The following MAOB variants were observed in gnomAD, a reference collection of about 807,000 sequenced individuals.
The protein encoded by MAOB is monoamine oxidase B.
In MAOB, 15 loss-of-function variants were observed where a neutral mutation model predicts 41.9. The ratio of observed to expected loss-of-function variants is 0.36; its 90% confidence interval spans 0.24 to 0.55. The LOEUF (loss-of-function observed/expected upper bound fraction) is 0.55. MAOB is among the 20% of genes least tolerant of loss of function. The probability of loss-of-function intolerance (pLI) is 0.86; values close to 1 mark genes in which losing one functional copy is unlikely to be tolerated. For missense variants in MAOB, 345 were observed against 398.7 expected (o/e 0.87, Z 1.15); for synonymous variants, 167 against 144.2 (o/e 1.16, Z -1.13).
At chrX:43,847,462 T>C (rs2035215758) in intron 1 of MAOB, among the ~76,000 whole-genome samples, 1 of 111,869 alleles carries the variant, frequency 8.9e-6, no homozygotes, top group Non-Finnish European at 1.9e-5. Context: ...CTTACCACAA[T>C]GCTGAGGAAT....
At chrX:43,845,650 G>A (rs887632027) in intron 1 of MAOB, among the ~76,000 whole-genome samples, 42 of 112,112 alleles carry the variant, frequency 3.7e-4, no homozygotes, top group African/African-American at 1.2e-3. Context: ...TTCATTGATT[G>A]CATCTTCCAA....
At chrX:43,836,395 T>C (rs1256941153) in intron 3 of MAOB, among the ~76,000 whole-genome samples, 3 of 112,507 alleles carry the variant, frequency 2.7e-5, no homozygotes, top group Non-Finnish European at 5.6e-5. Flanking sequence ...CATTATGTAT[T>C]ATCATGTAGC....
chrX:43,767,570 G>A lies in MAOB; in HGVS notation c.1459C>T (p.Pro487Ser). 8.3e-7 allele frequency: 1 copy of A among 1,210,468 alleles called. No homozygotes were observed. Among genetic ancestry groups the A allele is most frequent in the Non-Finnish European group, 1.1e-6 (1 of 894,778 alleles). ...AGCCTGAGCAGGCCTGGCACGGAGG[G>A]CAAATGTCTCTCCAAAAAGGTGGTG... ...ITTTFLERHL[P>S]SVPGLLRLIG... Residue 487 changes from proline to serine, a missense_variant, in exon 15 of 15, where the codon CCC becomes TCC. Transcript: ENST00000378069.
chrX:43,818,989 G>A (rs934603411), intron 3 of MAOB, among the ~76,000 whole-genome samples: 2 of 111,597 alleles, frequency 1.8e-5, no homozygotes, highest in East Asian at 5.7e-4. Flanking sequence ...AAAGGAAGTT[G>A]TTTCATGGAA....
intron 12 of MAOB, 21 bp downstream of exon 12, chrX:43,775,154 C>T: frequency 8.6e-7 from 1 of 1,157,993 alleles, no homozygotes; most frequent in Non-Finnish European, 1.1e-6. Context: ...TCTGTAACAG[C>T]TTAGCATGCT....
At chrX:43,810,758 T>C (rs1235517677) in intron 3 of MAOB, among the ~76,000 whole-genome samples, 1 of 111,768 alleles carries the variant, frequency 8.9e-6, no homozygotes, top group African/African-American at 3.3e-5. Flanking sequence ...ATTTGTAAGC[T>C]TCAGTTCTCT....
chrX:43,869,497 T>G (rs2035386945), intron 1 of MAOB, among the ~76,000 whole-genome samples: 1 of 111,461 alleles, frequency 9.0e-6, no homozygotes, highest in South Asian at 3.8e-4. Flanking sequence ...GCATGCAATT[T>G]TAACAGAGAC....
intron 3 of MAOB, among the ~76,000 whole-genome samples, chrX:43,836,897 T>C (rs2035078218): frequency 8.9e-6 from 1 of 112,535 alleles, no homozygotes; most frequent in Admixed American, 9.4e-5. Flanking sequence ...CATAGAGTAA[T>C]GGAAATAGTG....
At chrX:43,870,011 A>G (rs2035390363) in intron 1 of MAOB, among the ~76,000 whole-genome samples, 1 of 112,201 alleles carries the variant, frequency 8.9e-6, no homozygotes, top group Non-Finnish European at 1.9e-5. Context: ...CATTTTTTTT[A>G]TAATCACTTT....
At chrX:43,877,929 A>G (rs2035450625) in intron 1 of MAOB, among the ~76,000 whole-genome samples, 1 of 112,649 alleles carries the variant, frequency 8.9e-6, no homozygotes, top group Non-Finnish European at 1.9e-5. Context: ...TGGTTGGTGA[A>G]AAGAAGTGAT....
At chrX:43,839,051 A>G (rs1237838330) in intron 2 of MAOB, 46 bp from the exon 3 acceptor site, 4 of 990,545 alleles carry the variant, frequency 4.0e-6, no homozygotes, top group Non-Finnish European at 4.1e-6. Flanking sequence ...TAAAAAATGT[A>G]TAAAATAACA....
At chrX:43,781,810 A>C (rs2034336715) in intron 8 of MAOB, among the ~76,000 whole-genome samples, 1 of 112,091 alleles carries the variant, frequency 8.9e-6, no homozygotes, top group Admixed American at 9.5e-5. Context: ...GTTTAATGAA[A>C]TCTGGTTCTC....
rs2072745 is a variant in MAOB, at chrX:43,767,082, A to T, written c.*384T>A. Reference sequence around the variant, plus strand: ...ATTCTAAGGACGAATGCAAAGAACTAGGGAAGGTGAGGCTATTACAGGTAA... The same window carrying T: ...ATTCTAAGGACGAATGCAAAGAACTTGGGAAGGTGAGGCTATTACAGGTAA... On this transcript the variant is annotated 3_prime_UTR_variant, in exon 15 of 15. Coordinates refer to ENST00000378069, the MANE Select transcript of MAOB (RefSeq NM_000898.5). 0.051 allele frequency: 7,496 copies of T among 146,053 alleles called. 393 individuals are homozygous for T. The highest frequency in any genetic ancestry group is 0.17 in the South Asian group (597 of 3,572). The allele number at this position is 146,053 out of a possible 1,213,427, so 12.0% of individuals were successfully genotyped here. A position where few individuals can be genotyped will look rare whatever the true frequency, so the allele number is the denominator to read the frequency against.
In MAOB at chrX:43,839,004, TTC is replaced by T; in HGVS notation, c.142-1_142del. ...AAGGTCCACATATTTAACCTTTTGGTTCTGTTTTCCCATAGGAAAAAATTAAA... is the reference window on the plus strand; with the variant it reads ...AAGGTCCACATATTTAACCTTTTGGTTGTTTTCCCATAGGAAAAAATTAAA... On this transcript the variant is annotated splice_acceptor_variant and coding_sequence_variant, in exon 3 of 15. Transcript: ENST00000378069. LOFTEE classifies it high-confidence loss of function. 1 of 1,160,607 alleles carries T rather than the reference TTC, an allele frequency of 8.6e-7. No homozygotes were observed. Among genetic ancestry groups the T allele is most frequent in the Non-Finnish European group, 1.2e-6 (1 of 868,698 alleles).
intron 3 of MAOB, among the ~76,000 whole-genome samples, chrX:43,806,078 A>G (rs2034658854): frequency 8.9e-6 from 1 of 112,670 alleles, no homozygotes; most frequent in Non-Finnish European, 1.9e-5. Context: ...TAGTACAGAA[A>G]GTTCCCATAT....
intron 1 of MAOB, among the ~76,000 whole-genome samples, chrX:43,867,913 T>C (rs1394077173): frequency 8.9e-6 from 1 of 112,536 alleles, no homozygotes; most frequent in Admixed American, 9.4e-5. Context: ...ATATATAGGA[T>C]GTATCATTTA....
rs770442136 is a variant in MAOB, at chrX:43,780,432, T to C, written c.1026-37A>G. On this transcript the variant is annotated intron_variant, in intron 9 of 14. Coordinates refer to ENST00000378069, the MANE Select transcript of MAOB (RefSeq NM_000898.5). ...AAACAAGAAAAAGGGGAGAAATTAA[T>C]GGTTGGTTTCATCCTAGCCTCATTT... The C allele has an allele frequency of 2.6e-5, 28 of 1,068,766 alleles. No homozygotes were observed. The East Asian group carries it at 8.2e-4, about 31-fold the overall frequency. 88.1% of individuals were successfully genotyped at this position (1,068,766 alleles called of 1,213,427 possible).
intron 3 of MAOB, among the ~76,000 whole-genome samples, chrX:43,837,700 C>T (rs1327246136): frequency 8.9e-6 from 1 of 111,754 alleles, no homozygotes; most frequent in Non-Finnish European, 1.9e-5. Flanking sequence ...CAAAATTGAC[C>T]GTTGCTAGTT....
chrX:43,767,661 C>A, intron 14 of MAOB, 43 bp from the exon 15 acceptor site: 2 of 1,143,122 alleles, frequency 1.7e-6, no homozygotes, highest in Non-Finnish European at 2.4e-6. Context: ...GGCTTGTGCA[C>A]TTTATTCCAG....
Sources: allele counts gnomAD v4.1 joint callset (sites outside exome capture counted in the v4.1 genomes callset), GRCh38; gene constraint gnomAD v4.1.1; transcripts MANE v1.5; gene names NCBI Gene and HGNC (gene_info 2026-07-23, HGNC 2026-07-21).